CUX2: variants seen among roughly 807,000 people sequenced by gnomAD.
CUX2 encodes homeobox protein cut-like 2.
Under a neutral mutation model 144.8 loss-of-function variants are expected in CUX2, and 40 were observed. That is an observed-to-expected ratio of 0.28 (90% confidence interval 0.21 to 0.36). CUX2 has a LOEUF of 0.36. Among genes scored for constraint, CUX2 ranks in the 10% least tolerant of loss-of-function variants. The pLI is 1.00. For missense variants in CUX2, 1,615 were observed against 1,994.0 expected, an observed-to-expected ratio of 0.81 and a Z score of 3.62; for synonymous variants, 827 against 875.6, an observed-to-expected ratio of 0.94 and a Z score of 0.98.
chr12:111,338,572 T>G, intron 20 of CUX2, 98 bp downstream of exon 20: 2 of 1,191,030 alleles, frequency 1.7e-6, no homozygotes. Context: ...GCTCCCATGG[T>G]CCAGTCTCAG....
chr12:111,038,614 T>G (rs1375381492), intron 1 of CUX2, among the ~76,000 whole-genome samples: 1 of 152,264 alleles, frequency 6.6e-6, no homozygotes, highest in Non-Finnish European at 1.5e-5. Flanking sequence ...TAGAAACAGG[T>G]GTTGAGAATT....
chr12:111,231,391 T>C (rs1882457370), intron 3 of CUX2, among the ~76,000 whole-genome samples: 1 of 152,224 alleles, frequency 6.6e-6, no homozygotes, highest in Admixed American at 6.5e-5. Context: ...ACAAAATTTG[T>C]TTAGTTGTAG....
At chr12:111,131,176 AAAG>A (rs1875449157) in intron 1 of CUX2, among the ~76,000 whole-genome samples, 9 of 152,318 alleles carry the variant, frequency 5.9e-5, no homozygotes, top group Middle Eastern at 3.4e-3. Flanking sequence ...GCAGGAGGCA[AAAG>A]GCACTTCTTA....
chr12:111,058,635 G>A (rs1870635754), intron 1 of CUX2, among the ~76,000 whole-genome samples: 1 of 152,152 alleles, frequency 6.6e-6, no homozygotes, highest in Non-Finnish European at 1.5e-5. Context: ...GAAGCTGGAG[G>A]GTGGCTGAAA....
At chr12:111,248,991 T>C (rs1883417159) in intron 3 of CUX2, among the ~76,000 whole-genome samples, 1 of 152,234 alleles carries the variant, frequency 6.6e-6, no homozygotes, top group Admixed American at 6.5e-5. Context: ...TTTAAAACAC[T>C]GGAGGGTCCA....
Position 111,320,546 on chromosome 12 carries a change from C to T in CUX2, c.2537C>T (p.Pro846Leu), listed in dbSNP as rs1230858968. 3 of 1,536,368 alleles carry T rather than the reference C, an allele frequency of 2.0e-6. No homozygotes were observed. Among genetic ancestry groups the T allele is most frequent in the Non-Finnish European group, 2.6e-6 (3 of 1,150,432 alleles). The change falls in exon 17 of 22, where the codon CCC becomes CTC. Residue 846 changes from proline (P) to leucine (L), a missense_variant. By Grantham distance (98) the Pro-to-Leu change is moderately conservative. Coordinates refer to ENST00000261726, the MANE Select transcript of CUX2 (RefSeq NM_015267.4). This position sits in a 1 kb window ranked among gnomAD's most constrained non-coding sequence, Gnocchi z 8.1. ...DEAAAGAEDE[P>L]PRTGELKAEG... The stretch of plus-strand genomic sequence containing the variant: ...GCGGCGGCAGGGGCGGAGGACGAAC[C>T]CCCCAGGACGGGCGAGCTCAAGGCT...
intron 18 of CUX2, among the ~76,000 whole-genome samples, chr12:111,331,882 C>G (rs1229914475): frequency 2.0e-5 from 3 of 151,976 alleles, no homozygotes; most frequent in African/African-American, 4.8e-5. Flanking sequence ...GAATTCAAGA[C>G]CAGCCTGGCC....
chr12:111,040,638 C>A (rs1368691654), intron 1 of CUX2, among the ~76,000 whole-genome samples: 2 of 152,154 alleles, frequency 1.3e-5, no homozygotes, highest in African/African-American at 4.8e-5. Flanking sequence ...CAGATGTGCT[C>A]CCATATTGCT....
chr12:111,308,272 C>T lies in CUX2; in HGVS notation c.1110-13C>T. On this transcript the variant is annotated splice_polypyrimidine_tract_variant and intron_variant, in intron 12 of 21. Coordinates refer to ENST00000261726, the MANE Select transcript of CUX2 (RefSeq NM_015267.4). ...GCTGGCTGACCTCAGACCCTCTCCA[C>T]TTGCTCTGGCAGCATCCTGAAAGCC... The T allele has an allele frequency of 6.2e-7, 1 of 1,614,098 alleles. No homozygotes were observed. Among genetic ancestry groups the T allele is most frequent in the Non-Finnish European group, 8.5e-7 (1 of 1,179,996 alleles).
At chr12:111,046,173 G>A (rs527906987) in intron 1 of CUX2, among the ~76,000 whole-genome samples, 1 of 152,220 alleles carries the variant, frequency 6.6e-6, no homozygotes, top group Admixed American at 6.5e-5. Flanking sequence ...AGGTGCGCTG[G>A]CTCTTTGCAG....
At chr12:111,131,238 C>T (rs865822860) in intron 1 of CUX2, among the ~76,000 whole-genome samples, 20 of 152,100 alleles carry the variant, frequency 1.3e-4, no homozygotes, top group South Asian at 8.3e-4. Context: ...AAGCAGAAAC[C>T]CCTGATAAAC....
In CUX2 at chr12:111,310,588, G is replaced by A. The variant is rs773393344; in HGVS notation, c.1806G>A (p.Thr602=). 2.0e-5 allele frequency: 33 copies of A among 1,613,672 alleles called. No homozygotes were observed. The highest frequency in any genetic ancestry group is 2.6e-5 in the Non-Finnish European group (31 of 1,179,940). ...LARPKPWRKL[T]VKGKEPFIKM... ...GGCCCAAGCCCTGGCGCAAGCTCAC[G>A]GTGAAGGGCAAGGAGCCCTTCATCA... is the stretch of plus-strand genomic sequence containing the variant. The change falls in exon 15 of 22, where the codon ACG becomes ACA. Residue 602 remains threonine (T), a synonymous_variant. Transcript: ENST00000261726. This position sits in a 1 kb window ranked among gnomAD's most constrained non-coding sequence, Gnocchi z 7.9.
chr12:111,143,029 A>G (rs1876434471), intron 1 of CUX2, among the ~76,000 whole-genome samples: 1 of 152,094 alleles, frequency 6.6e-6, no homozygotes, highest in South Asian at 2.1e-4. Flanking sequence ...TCAAAAAAGG[A>G]CTTCCTCCTT....
At chr12:111,292,329 T>C (rs556580583) in intron 5 of CUX2, among the ~76,000 whole-genome samples, 6 of 150,194 alleles carry the variant, frequency 4.0e-5, no homozygotes, top group East Asian at 2.1e-4. Context: ...CAGTGGCTCA[T>C]GCCTGTAATC....
Position 111,277,287 on chromosome 12 carries a change from C to G in CUX2, c.301+13448C>G, listed in dbSNP as rs1884926065. Reference sequence around the variant, plus strand: ...CACTGGGCGTCCCCTGGGCCAGCCCCACATCCCCATCTGTGAAATGGGTTG... The same window carrying G: ...CACTGGGCGTCCCCTGGGCCAGCCCGACATCCCCATCTGTGAAATGGGTTG... On this transcript the variant is annotated intron_variant, in intron 4 of 21. Coordinates refer to ENST00000261726, the MANE Select transcript of CUX2 (RefSeq NM_015267.4). The surrounding 1 kb of genome is among the most constrained non-coding windows in gnomAD (Gnocchi z 5.0). Among the ~76,000 whole-genome samples, 1 of 152,198 alleles carries G rather than the reference C, an allele frequency of 6.6e-6. No individual in the cohort carries two copies.
chr12:111,343,392 T>A (rs1431339565), intron 21 of CUX2, among the ~76,000 whole-genome samples: 2 of 152,064 alleles, frequency 1.3e-5, no homozygotes, highest in Non-Finnish European at 2.9e-5. Flanking sequence ...CTTGGGGGGA[T>A]TTCAAGGACC....
In CUX2 at chr12:111,246,659, TC is replaced by T. The variant is rs1883293027; in HGVS notation, c.223-17100del. On this transcript the variant is annotated intron_variant, in intron 3 of 21. Coordinates refer to ENST00000261726, the MANE Select transcript of CUX2 (RefSeq NM_015267.4). This position sits in a 1 kb window ranked among gnomAD's most constrained non-coding sequence, Gnocchi z 4.0. ...TGCATGTGGAATTTGGACCACAGACTCCACGTTTGCAAAGTTGGACTTAGAG... is the reference window on the plus strand; with the variant it reads ...TGCATGTGGAATTTGGACCACAGACTCACGTTTGCAAAGTTGGACTTAGAG... Among the ~76,000 whole-genome samples the T allele has an allele frequency of 6.6e-6, 1 of 152,216 alleles. No individual in the cohort carries two copies. Among genetic ancestry groups the T allele is most frequent in the African/African-American group, 2.4e-5 (1 of 41,452 alleles).
In CUX2 at chr12:111,175,376, A is replaced by G. The variant is rs561148461; in HGVS notation, c.64-38824A>G. Among the ~76,000 whole-genome samples the G allele has an allele frequency of 9.0e-5, 13 of 144,360 alleles. No homozygotes were observed. In the South Asian group the frequency reaches 2.6e-3, roughly 29 times the overall value. The allele number at this position is 144,360 out of a possible 152,430, so 94.7% of individuals were successfully genotyped here. ...TTTTTTTTTTTACACTTTTCCACAA[A>G]GCTTCATAGTCATTAGGGAACCTTC... On this transcript the variant is annotated intron_variant, in intron 1 of 21. Coordinates refer to ENST00000261726, the MANE Select transcript of CUX2 (RefSeq NM_015267.4).
At chr12:111,094,495 G>A (rs1002371739) in intron 1 of CUX2, among the ~76,000 whole-genome samples, 3 of 152,210 alleles carry the variant, frequency 2.0e-5, no homozygotes, top group Non-Finnish European at 4.4e-5. Flanking sequence ...CTAGCTTTTG[G>A]CAGCATCCAC....
Sources: gnomAD v4.1 joint callset for allele counts (sites outside exome capture counted in the v4.1 genomes callset) on GRCh38, gnomAD v4.1.1 for gene constraint, Gnocchi (gnomAD v3.1) non-coding constraint, MANE v1.5 for transcripts, NCBI Gene and HGNC (gene_info 2026-07-23, HGNC 2026-07-21) for gene names.